Variants in SCHIP1 observed in about 807,000 individuals in gnomAD.
SCHIP1 encodes the protein schwannomin interacting protein 1.
Under a neutral mutation model 29.7 loss-of-function variants are expected in SCHIP1, and 8 were observed. The ratio of observed to expected loss-of-function variants is 0.27; its 90% CI spans 0.16 to 0.49. The LOEUF (loss-of-function observed/expected upper bound fraction) is 0.49. Ranked by LOEUF, SCHIP1 falls within the 20% of genes least tolerant of loss-of-function variation. The pLI is 0.99. For missense variants in SCHIP1, 193 were observed against 294.6 expected (o/e 0.66, Z 2.52); for synonymous variants, 76 against 94.9 (o/e 0.80, Z 1.16).
the SCHIP1 span, among the ~76,000 whole-genome samples, chr3:159,769,985 C>T: frequency 6.6e-6 from 1 of 152,310 alleles, no homozygotes; most frequent in East Asian, 1.9e-4. Context: ...AGGCAACCAA[C>T]TGATCTGATT....
chr3:159,638,428 CCT>C, the SCHIP1 span, among the ~76,000 whole-genome samples: 3 of 152,094 alleles, frequency 2.0e-5, no homozygotes, highest in Non-Finnish European at 4.4e-5. Context: ...TTTCTCCACC[CCT>C]AAGTGGAGCA....
the SCHIP1 span, chr3:159,764,060 A>C: frequency 7.2e-5 from 12 of 166,594 alleles, no homozygotes; most frequent in East Asian, 4.9e-4. This position sits in a 1 kb window ranked among gnomAD's most constrained non-coding sequence, Gnocchi z 6.1. Flanking sequence ...CCCCCAGGGA[A>C]TTATAATTTC....
At chr3:159,696,754 G>T in the SCHIP1 span, among the ~76,000 whole-genome samples, 1 of 152,200 alleles carries the variant, frequency 6.6e-6, no homozygotes, top group Non-Finnish European at 1.5e-5. Flanking sequence ...GGTCAGGAAA[G>T]GCTTCCTAAG....
chr3:159,808,616 G>A, the SCHIP1 span: 2 of 152,200 alleles, frequency 1.3e-5, no homozygotes, highest in Non-Finnish European at 2.9e-5. Flanking sequence ...CATCTAGCCA[G>A]GAAGGAAGGT....
At chr3:159,468,777 A>ATATATATTTTTTT in the SCHIP1 span, among the ~76,000 whole-genome samples, 16 of 127,338 alleles carry the variant, frequency 1.3e-4, no homozygotes, top group African/African-American at 4.9e-4. Flanking sequence ...ATATATATAT[A>ATATATATTTTTTT]TTTTTTTTAG....
chr3:159,285,974 A>G, the SCHIP1 span, among the ~76,000 whole-genome samples: 4 of 152,220 alleles, frequency 2.6e-5, no homozygotes, highest in East Asian at 7.7e-4. Context: ...TTATCTTTCA[A>G]GAACTATTTT....
the SCHIP1 span, among the ~76,000 whole-genome samples, chr3:159,798,244 A>T: frequency 6.6e-6 from 1 of 152,190 alleles, no homozygotes; most frequent in Non-Finnish European, 1.5e-5. Flanking sequence ...ACTGGATCTT[A>T]ATCTTTTCTG....
the SCHIP1 span, among the ~76,000 whole-genome samples, chr3:159,737,195 G>A: frequency 2.0e-5 from 3 of 152,138 alleles, no homozygotes; most frequent in Non-Finnish European, 4.4e-5. Flanking sequence ...TAATCATCAG[G>A]TGAGTAGACA....
the SCHIP1 span, among the ~76,000 whole-genome samples, chr3:159,495,663 G>A: frequency 1.1e-4 from 16 of 152,112 alleles, no homozygotes; most frequent in Admixed American, 2.6e-4. Context: ...AATCAATATC[G>A]TGAAAATGGC....
At chr3:159,437,408 T>G in the SCHIP1 span, among the ~76,000 whole-genome samples, 10 of 152,152 alleles carry the variant, frequency 6.6e-5, no homozygotes, top group African/African-American at 2.4e-4. Flanking sequence ...CAAGGATTTT[T>G]GAGTTCTTCT....
chr3:159,311,492 G>T, the SCHIP1 span, among the ~76,000 whole-genome samples: 3 of 151,904 alleles, frequency 2.0e-5, no homozygotes, highest in Non-Finnish European at 4.4e-5. Flanking sequence ...TTTGGTGTAG[G>T]ATTTCTTTAT....
At chr3:159,675,961 G>A in the SCHIP1 span, among the ~76,000 whole-genome samples, 12 of 151,852 alleles carry the variant, frequency 7.9e-5, no homozygotes, top group East Asian at 3.9e-4. Flanking sequence ...GAGAAACTCC[G>A]TCTCTATTAA....
the SCHIP1 span, among the ~76,000 whole-genome samples, chr3:159,674,450 A>G: frequency 2.0e-5 from 3 of 152,080 alleles, no homozygotes; most frequent in African/African-American, 4.8e-5. Context: ...TGCTGCTAGC[A>G]TATCCAGCAG....
chr3:159,305,008 T>C, the SCHIP1 span, among the ~76,000 whole-genome samples: 1 of 151,950 alleles, frequency 6.6e-6, no homozygotes, highest in African/African-American at 2.4e-5. Flanking sequence ...CTTCTTCCCA[T>C]TTTTTTTCAA....
chr3:159,502,262 A>T, the SCHIP1 span, among the ~76,000 whole-genome samples: 1 of 152,154 alleles, frequency 6.6e-6, no homozygotes, highest in Admixed American at 6.6e-5. Context: ...TACAGGCTTT[A>T]GTTTGATCGT....
intron 1 of SCHIP1, among the ~76,000 whole-genome samples, chr3:159,852,484 A>G (rs1324933971): frequency 2.6e-5 from 4 of 152,186 alleles, no homozygotes; most frequent in African/African-American, 9.7e-5. Context: ...GCACCAAAAC[A>G]TCCTCCAGCT....
At chr3:159,696,603 G>A in the SCHIP1 span, among the ~76,000 whole-genome samples, 1 of 152,190 alleles carries the variant, frequency 6.6e-6, no homozygotes. Flanking sequence ...TCCTACAATA[G>A]TGGGCAACTT....
At chr3:159,659,411 G>C in the SCHIP1 span, among the ~76,000 whole-genome samples, 1 of 152,166 alleles carries the variant, frequency 6.6e-6, no homozygotes, top group Non-Finnish European at 1.5e-5. Flanking sequence ...AGAATCACTG[G>C]GATAAGAATG....
At chr3:159,422,589 G>A in the SCHIP1 span, among the ~76,000 whole-genome samples, 1 of 152,126 alleles carries the variant, frequency 6.6e-6, no homozygotes, top group East Asian at 1.9e-4. Flanking sequence ...AGCAGTTCAA[G>A]AGCCCTTCCA....
Sources: gnomAD v4.1 joint callset for allele counts (sites outside exome capture counted in the v4.1 genomes callset) on GRCh38, gnomAD v4.1.1 for gene constraint, Gnocchi (gnomAD v3.1) non-coding constraint, MANE v1.5 for transcripts, NCBI Gene and HGNC (gene_info 2026-07-23, HGNC 2026-07-21) for gene names.